Variants in TRMT2B observed in about 807,000 individuals in gnomAD.
TRMT2B encodes the protein tRNA methyltransferase 2B.
In TRMT2B, 34 loss-of-function variants were observed where a neutral mutation model predicts 39.7. The observed-to-expected ratio is 0.86, with a 90% CI of 0.65 to 1.14. The LOEUF is 1.14. TRMT2B is among the 50% of genes most tolerant of loss of function. The probability of loss-of-function intolerance (pLI) is 0.00; values close to 1 mark genes in which losing one functional copy is unlikely to be tolerated. For missense variants in TRMT2B, 318 were observed against 377.2 expected (o/e 0.84, Z 1.30); for synonymous variants, 132 against 137.3 (o/e 0.96, Z 0.27).
intron 7 of TRMT2B, among the ~76,000 whole-genome samples, chrX:101,030,116 T>C (rs1251874176): frequency 9.0e-6 from 1 of 110,657 alleles, no homozygotes; most frequent in Non-Finnish European, 1.9e-5. Flanking sequence ...AAAAGTTAGC[T>C]AGGCACAGTG....
chrX:101,020,675 T>TA (rs2086754443), intron 10 of TRMT2B, 87 bp from the exon 11 acceptor site: 1 of 745,320 alleles, frequency 1.3e-6, no homozygotes, highest in South Asian at 2.2e-5. Flanking sequence ...TAGTTTAGTT[T>TA]GTTTGTTTGT....
the TRMT2B span, among the ~76,000 whole-genome samples, chrX:100,986,070 G>A: frequency 9.0e-6 from 1 of 111,252 alleles, no homozygotes; most frequent in Admixed American, 9.6e-5. Flanking sequence ...TCTGAGGTTT[G>A]TTCTCAAGAG....
chrX:100,983,363 C>CT, the TRMT2B span, among the ~76,000 whole-genome samples: 9 of 107,292 alleles, frequency 8.4e-5, no homozygotes, highest in East Asian at 2.9e-4. Flanking sequence ...AACCTATTCA[C>CT]TTTTTTTTTT....
chrX:100,978,824 T>C, the TRMT2B span, among the ~76,000 whole-genome samples: 1 of 111,118 alleles, frequency 9.0e-6, no homozygotes, highest in African/African-American at 3.3e-5. Context: ...TGTTTTGATT[T>C]ATTGCTTTAT....
the TRMT2B span, chrX:100,988,414 T>C: frequency 1.7e-6 from 2 of 1,203,848 alleles, no homozygotes; most frequent in Non-Finnish European, 1.1e-6. Flanking sequence ...AAAGAATATG[T>C]CAGTAACATT....
chrX:100,974,304 T>A, the TRMT2B span: 1 of 586,511 alleles, frequency 1.7e-6, no homozygotes, highest in Non-Finnish European at 2.8e-6. Context: ...TCAATTTCCC[T>A]CTTTTTGTGC....
At chrX:100,999,768 T>C in the TRMT2B span, among the ~76,000 whole-genome samples, 1 of 112,083 alleles carries the variant, frequency 8.9e-6, no homozygotes, top group African/African-American at 3.2e-5. Flanking sequence ...CCTGACTGAC[T>C]GCAAATTAGA....
At position 101,020,544 on chromosome X, in the gene TRMT2B, C is replaced by T; in HGVS notation, c.1111G>A (p.Gly371Arg). 3 of 1,211,459 alleles carry T rather than the reference C, an allele frequency of 2.5e-6. No homozygotes were observed. Among genetic ancestry groups the T allele is most frequent in the Non-Finnish European group, 3.4e-6 (3 of 895,139 alleles). ...ACTGCCTGCTCCAACAATTCAATCC[C>T]AAGGACCCGAGATGTATGCTGAGCC... ...SLAQHTSRVLGIELLEQAVED... is the reference protein window; with the variant it reads ...SLAQHTSRVLRIELLEQAVED... Residue 371 changes from glycine (G) to arginine (R), a missense_variant, in exon 11 of 14, where the codon GGG becomes AGG. Transcript: ENST00000372936.
chrX:101,023,141 C>G (rs1280334430), intron 8 of TRMT2B, among the ~76,000 whole-genome samples: 1 of 112,308 alleles, frequency 8.9e-6, no homozygotes, highest in East Asian at 2.8e-4. Flanking sequence ...TTATGAAATT[C>G]TGACACTGCA....
At chrX:101,031,720 A>T (rs1362411960) in intron 7 of TRMT2B, among the ~76,000 whole-genome samples, 1 of 110,595 alleles carries the variant, frequency 9.0e-6, no homozygotes, top group African/African-American at 3.3e-5. Flanking sequence ...GGAAAAAAAA[A>T]AAAAAAGCAA....
intron 13 of TRMT2B, among the ~76,000 whole-genome samples, chrX:101,016,771 C>T (rs2086547988): frequency 1.8e-5 from 2 of 108,579 alleles, no homozygotes; most frequent in Non-Finnish European, 1.9e-5. Flanking sequence ...CTCAGCCTCC[C>T]GAGCAGCTGG....
At chrX:100,990,726 C>G in the TRMT2B span, 20 of 586,256 alleles carry the variant, frequency 3.4e-5, no homozygotes, top group Admixed American at 6.9e-4. Flanking sequence ...TCAACCAAAA[C>G]TGAGCCTTAG....
In TRMT2B at chrX:101,026,475, C is replaced by CAAA. The variant is rs55926567; in HGVS notation, c.610-2862_610-2860dup. Among the ~76,000 whole-genome samples, 277 of 64,122 alleles carry CAAA rather than the reference C, an allele frequency of 4.3e-3. 5 individuals carry two copies. Among genetic ancestry groups the CAAA allele is most frequent in the African/African-American group, 0.015 (257 of 17,480 alleles). The allele number at this position is 64,122 out of a possible 115,157, so 55.7% of individuals were successfully genotyped here. On this transcript the variant is annotated intron_variant, in intron 7 of 13. Coordinates refer to ENST00000372936, the MANE Select transcript of TRMT2B (RefSeq NM_024917.6). ...TGGGTGACAGAGCAAAACTCCGTCT[C>CAAA]AAAAAAAAAAAAAAAAAAGTCATAT...
At chrX:100,997,099 ACAGT>A in the TRMT2B span, among the ~76,000 whole-genome samples, 254 of 111,222 alleles carry the variant, frequency 2.3e-3, no homozygotes, top group African/African-American at 8.0e-3. Flanking sequence ...GTTGGTACTT[ACAGT>A]CAGTCAAACA....
In TRMT2B at chrX:101,051,609, G is replaced by A; in HGVS notation, c.-382C>T. ...GACAGAAAGTAAGGGAGTGGGAGGA[G>A]TTAGGGCACAGGCCCACGCTGGGCC... On this transcript the variant is annotated 5_prime_UTR_variant, in exon 2 of 14. Coordinates refer to ENST00000372936, the MANE Select transcript of TRMT2B (RefSeq NM_024917.6). 1 of 754,888 alleles carries A rather than the reference G, an allele frequency of 1.3e-6. No individual in the cohort carries two copies. The highest frequency in any genetic ancestry group is 1.6e-6 in the Non-Finnish European group (1 of 639,552). 62.2% of individuals were successfully genotyped at this position (754,888 alleles called of 1,213,427 possible). A position where few individuals can be genotyped will look rare whatever the true frequency, so the allele number is the denominator to read the frequency against.
intron 13 of TRMT2B, among the ~76,000 whole-genome samples, chrX:101,013,328 G>A (rs1366465739): frequency 9.0e-6 from 1 of 111,440 alleles, no homozygotes; most frequent in Non-Finnish European, 1.9e-5. Flanking sequence ...TAGAAGGAGA[G>A]GGACAGAATT....
intron 7 of TRMT2B, among the ~76,000 whole-genome samples, chrX:101,032,319 G>A (rs893890474): frequency 1.9e-5 from 2 of 104,183 alleles, no homozygotes; most frequent in Admixed American, 2.2e-4. Context: ...TGGGTGCGGT[G>A]GCTCACACCT....
chrX:101,005,573 CTT>C (rs10567072), downstream of TRMT2B, among the ~76,000 whole-genome samples: 9,372 of 91,502 alleles, frequency 0.1, 374 homozygotes, highest in African/African-American at 0.12. Flanking sequence ...ATTCAGCTGC[CTT>C]TTTTTTTTTT....
chrX:100,994,264 C>A, the TRMT2B span, among the ~76,000 whole-genome samples: 1 of 111,835 alleles, frequency 8.9e-6, no homozygotes, highest in African/African-American at 3.2e-5. Context: ...TTTCTTGAGC[C>A]TGGAGGGCAA....
Sources: allele counts gnomAD v4.1 joint callset (sites outside exome capture counted in the v4.1 genomes callset), GRCh38; gene constraint gnomAD v4.1.1; transcripts MANE v1.5; gene names NCBI Gene and HGNC (gene_info 2026-07-23, HGNC 2026-07-21).